CLDN18: variants seen among roughly 807,000 people sequenced by gnomAD.
CLDN18 encodes the protein claudin 18, also known as claudin-18.
In CLDN18, 20 loss-of-function variants were observed where a neutral mutation model predicts 25.0. The observed-to-expected ratio is 0.80, with a 90% CI of 0.56 to 1.16. The LOEUF (loss-of-function observed/expected upper bound fraction) is 1.16, where lower values mean the gene tolerates loss of function less well. Ranked by LOEUF, CLDN18 falls within the 50% of genes most tolerant of loss-of-function variation. CLDN18 has a pLI of 0.00. For synonymous variants in CLDN18, 125 were observed against 135.6 expected, an observed-to-expected ratio of 0.92 and a Z score of 0.54; for missense variants, 297 against 345.4, an observed-to-expected ratio of 0.86 and a Z score of 1.11.
intron 1 of CLDN18, among the ~76,000 whole-genome samples, chr3:138,011,757 C>G (rs1942138888): frequency 6.6e-6 from 1 of 152,094 alleles, no homozygotes; most frequent in African/African-American, 2.4e-5. Flanking sequence ...CTCCCCAGGG[C>G]CCCACTACAT....
At chr3:138,007,177 C>G (rs527357179), upstream of CLDN18, among the ~76,000 whole-genome samples, 1 of 152,170 alleles carries the variant, frequency 6.6e-6, no homozygotes, top group African/African-American at 2.4e-5. Context: ...TACAATTTGA[C>G]CTAGCAATCC....
chr3:138,030,896 A>G (rs1011461500), intron 4 of CLDN18, 74 bp from the exon 5 acceptor site: 1 of 1,354,062 alleles, frequency 7.4e-7, no homozygotes, highest in Non-Finnish European at 1.0e-6. Context: ...AGACTGAGAC[A>G]GTTTATGGTA....
intron 1 of CLDN18, among the ~76,000 whole-genome samples, chr3:138,016,810 T>C (rs545644263): frequency 6.6e-6 from 1 of 152,228 alleles, no homozygotes; most frequent in East Asian, 1.9e-4. Context: ...TCCCAGCACT[T>C]TGGGAGGCCA....
chr3:138,001,035 C>T (rs541764174), intron 1 of CLDN18, among the ~76,000 whole-genome samples: 77 of 152,342 alleles, frequency 5.1e-4, no homozygotes, highest in African/African-American at 1.8e-3. Context: ...GAGTAGGCAA[C>T]TGCCTTACAA....
chr3:138,015,208 G>C (rs187454910), intron 1 of CLDN18, among the ~76,000 whole-genome samples: 61 of 152,244 alleles, frequency 4.0e-4, no homozygotes, highest in African/African-American at 1.4e-3. Context: ...GGAGGAAAAG[G>C]CTTGAAAGAA....
intron 1 of CLDN18, among the ~76,000 whole-genome samples, chr3:138,001,885 T>A (rs1038441589): frequency 6.6e-5 from 10 of 152,104 alleles, no homozygotes; most frequent in Non-Finnish European, 1.2e-4. Context: ...AAAACCACAT[T>A]TGCAAATGTA....
In CLDN18 at chr3:138,031,076, T is replaced by C. The variant is rs2107891389; in HGVS notation, c.721T>C (p.Tyr241His). 3 of 1,614,052 alleles carry C rather than the reference T, an allele frequency of 1.9e-6. No individual in the cohort carries two copies. The highest frequency in any genetic ancestry group is 2.5e-6 in the Non-Finnish European group (3 of 1,180,016). The change falls in exon 5 of 5, where the codon TAC becomes CAC. Residue 241 changes from tyrosine (Y) to histidine (H), a missense_variant. Tyr to His is a moderately conservative substitution (Grantham distance 83). Transcript: ENST00000183605. The stretch of plus-strand genomic sequence containing the variant: ...GTCCAACACCAAAAACAAGAAGATA[T>C]ACGATGGAGGTGCCCGCACAGAGGA... ...FGSNTKNKKI[Y>H]DGGARTEDEV...
At chr3:138,019,858 C>A (rs1407399427) in intron 1 of CLDN18, among the ~76,000 whole-genome samples, 7 of 152,180 alleles carry the variant, frequency 4.6e-5, no homozygotes, top group Non-Finnish European at 1.5e-5. Flanking sequence ...CTGTTTGCTT[C>A]TTTCAGCCCT....
chr3:138,029,752 G>A (rs373511607), intron 3 of CLDN18, 45 bp from the exon 4 acceptor site: 5 of 1,207,584 alleles, frequency 4.1e-6, no homozygotes, highest in South Asian at 1.5e-5. Context: ...GTGGAGCCTG[G>A]AGAGTTGAGT....
chr3:138,027,730 C>T (rs1180677981), intron 3 of CLDN18, among the ~76,000 whole-genome samples: 1 of 152,128 alleles, frequency 6.6e-6, no homozygotes, highest in Non-Finnish European at 1.5e-5. Context: ...CTCAACCATC[C>T]ATAGGGGTAT....
In CLDN18 at chr3:138,032,931, C is replaced by A. The variant is rs1942414645; in HGVS notation, c.*1790C>A. 1 of 152,238 alleles carries A rather than the reference C, an allele frequency of 6.6e-6. No individual in the cohort carries two copies. Among genetic ancestry groups the A allele is most frequent in the Admixed American group, 6.5e-5 (1 of 15,286 alleles). 9.4% of individuals were successfully genotyped at this position (152,238 alleles called of 1,614,324 possible). A position where few individuals can be genotyped will look rare whatever the true frequency, so the allele number is the denominator to read the frequency against. On this transcript the variant is annotated 3_prime_UTR_variant, in exon 5 of 5. Coordinates refer to ENST00000183605, the MANE Select transcript of CLDN18 (RefSeq NM_016369.4). ...AGACAGTAGAATTCCATCCCAGTAC[C>A]AAAGCCAGATAGGCCCCCTAGGAAA...
Position 138,020,881 on chromosome 3 carries a change from T to C in CLDN18, c.221-2777T>C, listed in dbSNP as rs181368414. On this transcript the variant is annotated intron_variant, in intron 1 of 4. Transcript: ENST00000183605. ...TGTACCTTGATGGAAGCCAGGACTT[T>C]ACCTGTTTTTCCAGAATAAGGTGCC... Among the ~76,000 whole-genome samples the C allele has an allele frequency of 1.7e-3, 252 of 152,312 alleles. 6 individuals are homozygous for C. In the South Asian group the frequency reaches 0.042, roughly 25 times the overall value.
chr3:138,009,919 G>C (rs769837919), upstream of CLDN18: 17 of 365,854 alleles, frequency 4.6e-5, no homozygotes, highest in South Asian at 7.6e-5. Flanking sequence ...GCCGGAGCTG[G>C]AGGGAGGCCG....
chr3:138,030,855 G>C (rs1286832576), intron 4 of CLDN18, 115 bp from the exon 5 acceptor site: 1 of 958,652 alleles, frequency 1.0e-6, no homozygotes, highest in African/African-American at 1.6e-5. Flanking sequence ...CGGACTGATG[G>C]GTTTCCAGGG....
At chr3:138,005,031 G>A (rs1230743635) in intron 1 of CLDN18, 3 of 151,858 alleles carry the variant, frequency 2.0e-5, no homozygotes, top group African/African-American at 7.3e-5. Context: ...AATAATCAAT[G>A]GGAAAAGATG....
rs1047865102 is a variant in CLDN18, at chr3:138,031,678, G to A, written c.*537G>A. ...TGTAATCTCTCCAGCCCATGATCTCGGTTTTCTTACACTGTGATCTTAAAA... is the reference window on the plus strand; with the variant it reads ...TGTAATCTCTCCAGCCCATGATCTCAGTTTTCTTACACTGTGATCTTAAAA... On this transcript the variant is annotated 3_prime_UTR_variant, in exon 5 of 5. Coordinates refer to ENST00000183605, the MANE Select transcript of CLDN18 (RefSeq NM_016369.4). The A allele has an allele frequency of 3.9e-5, 6 of 152,096 alleles. No individual in the cohort carries two copies. The highest frequency in any genetic ancestry group is 1.4e-4 in the African/African-American group (6 of 41,420). The allele number at this position is 152,096 out of a possible 1,614,324, so 9.4% of individuals were successfully genotyped here. A position where few individuals can be genotyped will look rare whatever the true frequency, so the allele number is the denominator to read the frequency against.
chr3:138,009,335 C>T (rs929998522), upstream of CLDN18, among the ~76,000 whole-genome samples: 10 of 152,324 alleles, frequency 6.6e-5, no homozygotes, highest in East Asian at 1.9e-4. Flanking sequence ...CTCCTCTGGC[C>T]TTTGTGGGAC....
intron 3 of CLDN18, among the ~76,000 whole-genome samples, chr3:138,027,000 G>T (rs1257612373): frequency 6.6e-6 from 1 of 152,202 alleles, no homozygotes; most frequent in Non-Finnish European, 1.5e-5. Flanking sequence ...GGGCCAGCAG[G>T]TAAAGGAAAA....
intron 4 of CLDN18, 113 bp from the exon 5 acceptor site, chr3:138,030,857 T>A: frequency 2.0e-6 from 2 of 999,054 alleles, no homozygotes; most frequent in Non-Finnish European, 3.0e-6. Context: ...GACTGATGGG[T>A]TTCCAGGGAC....
Sources: gnomAD v4.1 joint callset for allele counts (sites outside exome capture counted in the v4.1 genomes callset) on GRCh38, gnomAD v4.1.1 for gene constraint, MANE v1.5 for transcripts, NCBI Gene and HGNC (gene_info 2026-07-23, HGNC 2026-07-21) for gene names.